The following RANBP10 variants were observed in gnomAD, a reference collection of about 807,000 sequenced individuals.
RANBP10 encodes RAN binding protein 10, also known as ran-binding protein 10.
RANBP10 carries 24 observed loss-of-function variants against 72.8 expected under a neutral mutation model. The observed-to-expected ratio is 0.33, with a 90% CI of 0.24 to 0.46. RANBP10 has a LOEUF of 0.46. Ranked by LOEUF, RANBP10 falls within the 20% of genes least tolerant of loss-of-function variation. RANBP10 has a pLI of 1.00. For missense variants in RANBP10, 679 were observed against 817.5 expected (o/e 0.83, Z 2.07); for synonymous variants, 310 against 322.3 (o/e 0.96, Z 0.41).
At chr16:67,757,942 G>A (rs2054320315) in intron 3 of RANBP10, among the ~76,000 whole-genome samples, 1 of 152,186 alleles carries the variant, frequency 6.6e-6, no homozygotes, top group Non-Finnish European at 1.5e-5. Context: ...ACCTCTACAG[G>A]TAGATGATGA....
chr16:67,727,729 T>C, intron 12 of RANBP10, 22 bp downstream of exon 12: 4 of 1,613,632 alleles, frequency 2.5e-6, no homozygotes, highest in Non-Finnish European at 3.4e-6. Context: ...CTGCTCTGCA[T>C]GAGGCCCGGC....
At chr16:67,754,773 T>G (rs1442154393) in intron 3 of RANBP10, among the ~76,000 whole-genome samples, 1 of 152,192 alleles carries the variant, frequency 6.6e-6, no homozygotes, top group Non-Finnish European at 1.5e-5. Context: ...GCTCTCTGGT[T>G]CTGGCCACAG....
At chr16:67,778,420 G>T (rs2054749326) in intron 2 of RANBP10, among the ~76,000 whole-genome samples, 1 of 152,006 alleles carries the variant, frequency 6.6e-6, no homozygotes, top group African/African-American at 2.4e-5. Flanking sequence ...ATGGATCAAA[G>T]ACCTAATCAT....
intron 2 of RANBP10, among the ~76,000 whole-genome samples, chr16:67,778,255 A>C (rs1246325419): frequency 6.6e-6 from 1 of 152,194 alleles, no homozygotes; most frequent in Non-Finnish European, 1.5e-5. Flanking sequence ...AGGCTGAAGC[A>C]GGAGAATCGC....
At chr16:67,727,305 A>G (rs1430486608) in intron 13 of RANBP10, 22 bp downstream of exon 13, 2 of 1,585,634 alleles carry the variant, frequency 1.3e-6, no homozygotes, top group South Asian at 1.1e-5. Flanking sequence ...CTCTAATAAT[A>G]ATAATAAATA....
intron 3 of RANBP10, among the ~76,000 whole-genome samples, chr16:67,745,957 G>A (rs533397878): frequency 5.3e-5 from 8 of 152,008 alleles, no homozygotes; most frequent in African/African-American, 1.9e-4. Flanking sequence ...GGGAGTTCAA[G>A]ACAAGCCTGA....
chr16:67,757,413 C>T (rs958907132), intron 3 of RANBP10, among the ~76,000 whole-genome samples: 1 of 152,198 alleles, frequency 6.6e-6, no homozygotes, highest in Non-Finnish European at 1.5e-5. Context: ...CAGGGTTCAA[C>T]AGCCATGCCC....
intron 2 of RANBP10, among the ~76,000 whole-genome samples, chr16:67,788,589 C>A (rs1449804093): frequency 6.6e-6 from 1 of 151,162 alleles, no homozygotes; most frequent in Admixed American, 6.6e-5. Flanking sequence ...GACGGTGTTT[C>A]AACATATAAC....
chr16:67,768,064 CAAA>C (rs555191487), intron 3 of RANBP10, among the ~76,000 whole-genome samples: 6 of 89,628 alleles, frequency 6.7e-5, no homozygotes, highest in Non-Finnish European at 7.2e-5. Flanking sequence ...GACCTTGTCT[CAAA>C]AAAAAAAAAA....
At chr16:67,789,183 G>A (rs1370267032) in intron 2 of RANBP10, among the ~76,000 whole-genome samples, 3 of 150,798 alleles carry the variant, frequency 2.0e-5, no homozygotes, top group African/African-American at 4.9e-5. Flanking sequence ...GGTGGTGCAC[G>A]CCTGTAGTCT....
intron 5 of RANBP10, among the ~76,000 whole-genome samples, chr16:67,736,099 T>G (rs888509272): frequency 6.6e-5 from 10 of 151,726 alleles, no homozygotes; most frequent in Non-Finnish European, 1.3e-4. Context: ...GCAGATGGTC[T>G]TCCCAGGGCC....
At chr16:67,749,198 G>A (rs970001607) in intron 3 of RANBP10, among the ~76,000 whole-genome samples, 2 of 152,192 alleles carry the variant, frequency 1.3e-5, no homozygotes, top group East Asian at 3.9e-4. Flanking sequence ...AGACCCTGGA[G>A]CCTAAACTCA....
At position 67,727,893 on chromosome 16, in the gene RANBP10, T is replaced by A. The variant is rs767876634; in HGVS notation, c.1478A>T (p.Asp493Val). The A allele has an allele frequency of 1.2e-6, 2 of 1,613,876 alleles. No homozygotes were observed. The highest frequency in any genetic ancestry group is 1.1e-5 in the South Asian group (1 of 91,082). The part of the protein sequence containing the change: ...DLQTDESSMD[D>V]RHPRRQLCGG... ...GCAGAGCTGCCGCCGAGGATGCCTGTCATCTGCATCCAGAACCCAGTGGAG... is the reference window on the plus strand; with the variant it reads ...GCAGAGCTGCCGCCGAGGATGCCTGACATCTGCATCCAGAACCCAGTGGAG... Residue 493 changes from aspartate (D) to valine (V), a missense_variant, in exon 12 of 14, where the codon GAC (aspartate) becomes GTC (valine). Physicochemically the swap from Asp to Val is radical, Grantham distance 152. Coordinates refer to ENST00000317506, the MANE Select transcript of RANBP10 (RefSeq NM_020850.3).
chr16:67,744,592 C>T (rs1342446518), intron 3 of RANBP10, 137 bp from the exon 4 acceptor site: 3 of 902,610 alleles, frequency 3.3e-6, no homozygotes, highest in Non-Finnish European at 3.3e-6. Context: ...TCTAGCAGAG[C>T]CACCAATAGA....
chr16:67,763,894 A>C (rs2054447622), intron 3 of RANBP10, among the ~76,000 whole-genome samples: 1 of 152,146 alleles, frequency 6.6e-6, no homozygotes, highest in African/African-American at 2.4e-5. Context: ...ACAGGGTTTC[A>C]CCATGTTGGC....
intron 2 of RANBP10, among the ~76,000 whole-genome samples, chr16:67,783,399 G>A (rs1018166295): frequency 2.6e-5 from 4 of 152,104 alleles, no homozygotes; most frequent in African/African-American, 4.8e-5. Context: ...TGAGAACCCT[G>A]CACAGAGAAC....
At chr16:67,777,556 G>A (rs1027473168) in intron 2 of RANBP10, among the ~76,000 whole-genome samples, 9 of 151,900 alleles carry the variant, frequency 5.9e-5, no homozygotes, top group Non-Finnish European at 1.3e-4. Context: ...GAAAAAAAAA[G>A]TAAAAAAACT....
intron 2 of RANBP10, among the ~76,000 whole-genome samples, chr16:67,787,426 C>CT (rs2054936118): frequency 6.6e-6 from 1 of 152,092 alleles, no homozygotes; most frequent in Non-Finnish European, 1.5e-5. Context: ...TCACACACTG[C>CT]TGGTGGGGAT....
At chr16:67,771,553 C>T (rs569345754) in intron 3 of RANBP10, among the ~76,000 whole-genome samples, 16 of 152,216 alleles carry the variant, frequency 1.1e-4, no homozygotes, top group Non-Finnish European at 1.6e-4. Flanking sequence ...CCATGTTGGC[C>T]AGGCTGGTCT....
Sources: allele counts gnomAD v4.1 joint callset (sites outside exome capture counted in the v4.1 genomes callset), GRCh38; gene constraint gnomAD v4.1.1; transcripts MANE v1.5; gene names NCBI Gene and HGNC (gene_info 2026-07-23, HGNC 2026-07-21).